The following GABRA6 variants were observed in gnomAD, a reference collection of about 807,000 sequenced individuals.
GABRA6 encodes the protein gamma-aminobutyric acid receptor subunit alpha-6.
GABRA6 carries 45 observed loss-of-function variants against 47.3 expected under a neutral mutation model. The ratio of observed to expected loss-of-function variants is 0.95; its 90% CI spans 0.75 to 1.22. The LOEUF is 1.22. Among genes scored for constraint, GABRA6 ranks in the 50% most tolerant of loss-of-function variants. The pLI is 0.00. For missense variants in GABRA6, 583 were observed against 549.3 expected, an observed-to-expected ratio of 1.06 and a Z score of -0.61; for synonymous variants, 219 against 194.7, an observed-to-expected ratio of 1.12 and a Z score of -1.04.
Position 161,687,022 on chromosome 5 carries a change from A to G in GABRA6, c.225+19A>G. 6.2e-7 allele frequency: 1 copy of G among 1,610,290 alleles called. No individual in the cohort carries two copies. The highest frequency in any genetic ancestry group is 8.5e-7 in the Non-Finnish European group (1 of 1,176,572). ...GGAGATGGTGAGTAAGTTCTAAGTG[A>G]GTTGGGTGTTTTCATTTCGGGGAGG... On this transcript the variant is annotated intron_variant, in intron 3 of 8. Transcript: ENST00000274545.
intron 8 of GABRA6, among the ~76,000 whole-genome samples, chr5:161,700,856 G>A (rs1754966626): frequency 6.6e-6 from 1 of 152,228 alleles, no homozygotes; most frequent in African/African-American, 2.4e-5. Flanking sequence ...TCTGAGCTAA[G>A]AGGCAGCTAT....
rs1380752928 is a variant in GABRA6, at chr5:161,690,341, A to G, written c.814A>G (p.Arg272Gly). The G allele has an allele frequency of 6.2e-7, 1 of 1,613,500 alleles. No individual in the cohort carries two copies. Among genetic ancestry groups the G allele is most frequent in the Non-Finnish European group, 8.5e-7 (1 of 1,179,860 alleles). ...FWINKESVPA[R>G]TVFGITTVLT... is the part of the protein sequence containing the mutation. Reference sequence around the variant, plus strand: ...GATTAATAAGGAGTCCGTCCCAGCAAGAACTGTTTTTGGTATATGTCACAT... The same window carrying G: ...GATTAATAAGGAGTCCGTCCCAGCAGGAACTGTTTTTGGTATATGTCACAT... The change falls in exon 7 of 9, where the codon AGA becomes GGA. Residue 272 changes from arginine to glycine, a missense_variant. Physicochemically the swap from Arg to Gly is moderately radical, Grantham distance 125. Transcript: ENST00000274545.
intron 8 of GABRA6, among the ~76,000 whole-genome samples, chr5:161,693,564 A>G (rs1754839742): frequency 6.6e-6 from 1 of 152,018 alleles, no homozygotes; most frequent in Admixed American, 6.6e-5. Context: ...TCATCCCAGC[A>G]TTTTGGGAGG....
chr5:161,697,422 C>T (rs1754902482), intron 8 of GABRA6, among the ~76,000 whole-genome samples: 1 of 152,296 alleles, frequency 6.6e-6, no homozygotes, highest in South Asian at 2.1e-4. Context: ...AGTTATTTAG[C>T]AGCTGATTAT....
At chr5:161,691,653 TAAACA>T in intron 7 of GABRA6, among the ~76,000 whole-genome samples, 1 of 152,128 alleles carries the variant, frequency 6.6e-6, no homozygotes, top group South Asian at 2.1e-4. Context: ...TCTCAAGCCC[TAAACA>T]ACTAGAACTA....
At chr5:161,691,873 A>G (rs956272025) in intron 7 of GABRA6, 68 bp from the exon 8 acceptor site, 2 of 1,436,454 alleles carry the variant, frequency 1.4e-6, no homozygotes, top group African/African-American at 1.4e-5. Context: ...CCTCTGACAC[A>G]TTCTCATTTG....
At chr5:161,687,387 A>C (rs1365879553) in intron 3 of GABRA6, 3 of 397,780 alleles carry the variant, frequency 7.5e-6, no homozygotes, top group Non-Finnish European at 1.5e-5. Flanking sequence ...TAAAACCTAA[A>C]GCATAATTGT....
chr5:161,700,158 C>T (rs539299125), intron 8 of GABRA6, among the ~76,000 whole-genome samples: 1 of 152,232 alleles, frequency 6.6e-6, no homozygotes, highest in East Asian at 1.9e-4. Context: ...CAAATGTCAC[C>T]ACATCGGCAG....
rs978699424 is a variant in GABRA6 at position 161,690,273 on chromosome 5, C to T, written c.746C>T (p.Thr249Ile). ...KMGYFMIQIYTPCIMTVILSQ... is the reference protein window; with the variant it reads ...KMGYFMIQIYIPCIMTVILSQ... ...GGCTACTTCATGATACAGATATACA[C>T]TCCTTGCATTATGACAGTCATTCTT... Residue 249 changes from threonine (T) to isoleucine (I), a missense_variant, in exon 7 of 9, where the codon ACT becomes ATT. By Grantham distance (89) the Thr-to-Ile change is moderately conservative. Coordinates refer to ENST00000274545, the MANE Select transcript of GABRA6 (RefSeq NM_000811.3). 6 of 1,613,046 alleles carry T rather than the reference C, an allele frequency of 3.7e-6. No homozygotes were observed. The highest frequency in any genetic ancestry group is 5.1e-6 in the Non-Finnish European group (6 of 1,179,216).
chr5:161,691,878 CA>C, intron 7 of GABRA6, 62 bp from the exon 8 acceptor site: 1 of 1,465,746 alleles, frequency 6.8e-7, no homozygotes, highest in Non-Finnish European at 9.5e-7. Context: ...GACACATTCT[CA>C]TTTGATTTTG....
At position 161,701,523 on chromosome 5, in the gene GABRA6, A is replaced by G; in HGVS notation, c.1112A>G (p.Lys371Arg). Residue 371 changes from lysine to arginine, a missense_variant, in exon 9 of 9, where the codon AAG becomes AGG. Transcript: ENST00000274545. ...VLHPDSKYHL[K>R]KRITSLSLPI... ...CATCCTGACTCCAAATATCATCTGA[A>G]GAAAAGGATCACTTCTCTGTCTTTG... The G allele has an allele frequency of 6.2e-7, 1 of 1,614,188 alleles. No homozygotes were observed. Among genetic ancestry groups the G allele is most frequent in the Non-Finnish European group, 8.5e-7 (1 of 1,180,018 alleles).
intron 2 of GABRA6, 128 bp from the exon 3 acceptor site, chr5:161,686,808 A>G (rs1754709209): frequency 1.3e-6 from 1 of 785,964 alleles, no homozygotes; most frequent in Admixed American, 2.0e-5. Context: ...GATCCCCACT[A>G]CTGGAATGCA....
In GABRA6 at chr5:161,692,049, C is replaced by A. The variant is rs1331513513; in HGVS notation, c.935C>A (p.Ala312Glu). Residue 312 changes from alanine to glutamate, a missense_variant, in exon 8 of 9, where the codon GCA becomes GAA. Transcript: ENST00000274545. Reference protein sequence around the residue: ...AMDWFIAVCFAFVFSALIEFA... With the variant: ...AMDWFIAVCFEFVFSALIEFA... ...GATTGGTTCATAGCTGTTTGCTTTG[C>A]ATTCGTCTTCTCTGCGCTTATCGAG... 1 of 1,614,168 alleles carries A rather than the reference C, an allele frequency of 6.2e-7. No homozygotes were observed.
At position 161,693,742 on chromosome 5, in the gene GABRA6, C is replaced by A. The variant is rs1285504841; in HGVS notation, c.1086+1542C>A. Among the ~76,000 whole-genome samples, 7 of 152,100 alleles carry A rather than the reference C, an allele frequency of 4.6e-5. No individual in the cohort carries two copies. In the South Asian group the frequency reaches 8.3e-4, roughly 18 times the overall value. On this transcript the variant is annotated intron_variant, in intron 8 of 8. Coordinates refer to ENST00000274545, the MANE Select transcript of GABRA6 (RefSeq NM_000811.3). ...CTGAGGCAAGAAGATTGCTTGCATGCAGGATTTTGAAGTTACAGTGAGCCA... is the reference window on the plus strand; with the variant it reads ...CTGAGGCAAGAAGATTGCTTGCATGAAGGATTTTGAAGTTACAGTGAGCCA...
At chr5:161,691,019 C>A (rs992850646) in intron 7 of GABRA6, among the ~76,000 whole-genome samples, 3 of 151,720 alleles carry the variant, frequency 2.0e-5, no homozygotes, top group African/African-American at 2.4e-5. Flanking sequence ...CAAAAGAATG[C>A]CAACATAATG....
At chr5:161,699,558 T>TC (rs1470201377) in intron 8 of GABRA6, among the ~76,000 whole-genome samples, 1 of 1,688 alleles carries the variant, frequency 5.9e-4, no homozygotes, top group Admixed American at 0.029. Flanking sequence ...AGCTGTCATC[T>TC]TTTTTTTTTT....
chr5:161,686,390 C>G, intron 2 of GABRA6, 42 bp downstream of exon 2: 1 of 1,461,824 alleles, frequency 6.8e-7, no homozygotes, highest in Non-Finnish European at 9.6e-7. Context: ...CTGTAGTTTC[C>G]TTCCTCCGTT....
At position 161,686,284 on chromosome 5, in the gene GABRA6, C is replaced by T. The variant is rs370888800; in HGVS notation, c.93C>T (p.Asn31=). The stretch of plus-strand genomic sequence containing the variant: ...TTGAAGGCAACTTCTACTCAGAAAA[C>T]GTCAGTCGGATCCTGGACAACTTGC... ...LEVEGNFYSE[N]VSRILDNLLE... is the part of the protein sequence containing the mutation. The change falls in exon 2 of 9, where the codon AAC becomes AAT. Residue 31 remains asparagine (N), a synonymous_variant. Transcript: ENST00000274545. 74 of 1,613,952 alleles carry T rather than the reference C, an allele frequency of 4.6e-5. No homozygotes were observed. Among genetic ancestry groups the T allele is most frequent in the Non-Finnish European group, 5.3e-5 (63 of 1,179,950 alleles).
chr5:161,700,377 C>G, intron 8 of GABRA6, among the ~76,000 whole-genome samples: 1 of 152,100 alleles, frequency 6.6e-6, no homozygotes. Context: ...AGGCAGAGGC[C>G]CAGCAAAGAC....
Sources: allele counts gnomAD v4.1 joint callset (sites outside exome capture counted in the v4.1 genomes callset), GRCh38; gene constraint gnomAD v4.1.1; transcripts MANE v1.5; gene names NCBI Gene and HGNC (gene_info 2026-07-23, HGNC 2026-07-21).